The following GAREM1 variants were observed in gnomAD, a reference collection of about 807,000 sequenced individuals.
GAREM1 encodes GRB2 associated regulator of MAPK1 subtype 1.
Under a neutral mutation model 71.3 loss-of-function variants are expected in GAREM1, and 26 were observed. The ratio of observed to expected loss-of-function variants is 0.36; its 90% confidence interval spans 0.27 to 0.51. The LOEUF (loss-of-function observed/expected upper bound fraction) is 0.51, where lower values mean the gene tolerates loss of function less well. Among genes scored for constraint, GAREM1 ranks in the 20% least tolerant of loss-of-function variants. The pLI, the probability that GAREM1 is intolerant of heterozygous loss-of-function variation, is 0.95. For synonymous variants in GAREM1, 440 were observed against 433.2 expected, an observed-to-expected ratio of 1.02 and a Z score of -0.20; for missense variants, 1,026 against 1,103.1, an observed-to-expected ratio of 0.93 and a Z score of 0.99.
intron 4 of GAREM1, among the ~76,000 whole-genome samples, chr18:32,272,508 TA>T (rs1243391662): frequency 6.6e-6 from 1 of 152,178 alleles, no homozygotes; most frequent in Non-Finnish European, 1.5e-5. Flanking sequence ...TGTGAGCTTT[TA>T]AAAAGGTGGT....
chr18:32,460,074 A>C (rs1401562141), intron 1 of GAREM1, among the ~76,000 whole-genome samples: 1 of 151,772 alleles, frequency 6.6e-6, no homozygotes, highest in Non-Finnish European at 1.5e-5. Context: ...TTCATTTCTA[A>C]CATCCTAAAG....
intron 2 of GAREM1, among the ~76,000 whole-genome samples, chr18:32,322,176 G>A (rs11876823): frequency 0.11 from 17,455 of 152,224 alleles, 1,621 homozygotes; most frequent in African/African-American, 0.26. Flanking sequence ...ATCTCTGGCT[G>A]AGGCTATTTA....
chr18:32,411,471 T>C (rs1395623304), intron 1 of GAREM1, among the ~76,000 whole-genome samples: 1 of 152,150 alleles, frequency 6.6e-6, no homozygotes, highest in Non-Finnish European at 1.5e-5. Flanking sequence ...ATATCAAATA[T>C]ATATTCTTCA....
intron 3 of GAREM1, among the ~76,000 whole-genome samples, chr18:32,309,951 A>G (rs939617695): frequency 6.6e-6 from 1 of 152,220 alleles, no homozygotes; most frequent in Admixed American, 6.5e-5. Flanking sequence ...ATATGCCTCA[A>G]CAGCTACAGT....
chr18:32,467,808 A>G (rs1251309973), intron 1 of GAREM1, among the ~76,000 whole-genome samples: 1 of 152,190 alleles, frequency 6.6e-6, no homozygotes, highest in African/African-American at 2.4e-5. Context: ...CAGTACTAAA[A>G]CTGGGGAAAA....
intron 2 of GAREM1, among the ~76,000 whole-genome samples, chr18:32,391,035 A>T (rs144340155): frequency 2.1e-4 from 32 of 152,300 alleles, no homozygotes; most frequent in African/African-American, 7.7e-4. Flanking sequence ...CTTGTTAAGG[A>T]CTGTACAGTC....
chr18:32,382,354 TTC>T (rs1344792298), intron 2 of GAREM1, among the ~76,000 whole-genome samples: 9 of 152,226 alleles, frequency 5.9e-5, no homozygotes, highest in Admixed American at 5.2e-4. Context: ...TTCACTATTC[TTC>T]TTCTTGAGGA....
intron 1 of GAREM1, among the ~76,000 whole-genome samples, chr18:32,454,401 C>A (rs925211395): frequency 1.3e-5 from 2 of 151,626 alleles, no homozygotes; most frequent in Non-Finnish European, 2.9e-5. Flanking sequence ...AAAATGTACA[C>A]CTTAGAATCA....
At chr18:32,451,223 A>G (rs1468521062) in intron 1 of GAREM1, among the ~76,000 whole-genome samples, 3 of 152,122 alleles carry the variant, frequency 2.0e-5, no homozygotes, top group Non-Finnish European at 4.4e-5. Flanking sequence ...CTCAATGAGG[A>G]TGATGATGGA....
intron 3 of GAREM1, among the ~76,000 whole-genome samples, chr18:32,289,035 T>C (rs1449972539): frequency 1.3e-5 from 2 of 152,218 alleles, no homozygotes; most frequent in African/African-American, 2.4e-5. Context: ...GATAAAGTAC[T>C]AGAAAAACTG....
intron 3 of GAREM1, among the ~76,000 whole-genome samples, chr18:32,297,401 C>T (rs969117785): frequency 6.6e-6 from 1 of 152,212 alleles, no homozygotes; most frequent in African/African-American, 2.4e-5. Flanking sequence ...TAAACAAATG[C>T]TCACAGTGCT....
Position 32,267,989 on chromosome 18 carries a change from A to C in GAREM1, c.2513T>G (p.Ile838Ser), listed in dbSNP as rs2041398516. 6.2e-7 allele frequency: 1 copy of C among 1,613,538 alleles called. No individual in the cohort carries two copies. Among genetic ancestry groups the C allele is most frequent in the Non-Finnish European group, 8.5e-7 (1 of 1,179,618 alleles). Residue 838 changes from isoleucine (I) to serine (S), a missense_variant, in exon 6 of 6, where the codon ATT becomes AGT. Physicochemically the swap from Ile to Ser is moderately radical, Grantham distance 142. This residue lies in a region of GAREM1 where 636 missense variants were observed against 631.2 expected (regional missense o/e 1.01). Coordinates refer to ENST00000269209, the MANE Select transcript of GAREM1 (RefSeq NM_001242409.2). ...TAGCTGAACAAGCAGGTTCCCATCA[A>C]TCTTTTCAGTAACAAAGAATGATAT... ...DVISFFVTEKIDGNLLVQLTE... is the reference protein window; with the variant it reads ...DVISFFVTEKSDGNLLVQLTE...
chr18:32,265,715 C>T lies in GAREM1; in HGVS notation c.*2156G>A, dbSNP rs1277958551. 3 of 152,112 alleles carry T rather than the reference C, an allele frequency of 2.0e-5. No individual in the cohort carries two copies. Among genetic ancestry groups the T allele is most frequent in the African/African-American group, 4.8e-5 (2 of 41,406 alleles). The allele number at this position is 152,112 out of a possible 1,614,324, so 9.4% of individuals were successfully genotyped here. On this transcript the variant is annotated 3_prime_UTR_variant, in exon 6 of 6. Transcript: ENST00000269209. ...AGTTTTTACAAAAAGAAAAAAAACG[C>T]TAAAAGGAGTCAGTTGTTTATGTGA... is the stretch of plus-strand genomic sequence containing the variant.
At chr18:32,438,678 C>G (rs2048705428) in intron 1 of GAREM1, among the ~76,000 whole-genome samples, 1 of 152,190 alleles carries the variant, frequency 6.6e-6, no homozygotes, top group Non-Finnish European at 1.5e-5. Context: ...TTATCTTTTA[C>G]TTCTATCTTT....
intron 4 of GAREM1, among the ~76,000 whole-genome samples, chr18:32,274,880 G>T (rs1598921239): frequency 6.6e-6 from 1 of 151,496 alleles, no homozygotes; most frequent in East Asian, 1.9e-4. Flanking sequence ...GGATAGCAGA[G>T]TTTGGGGATT....
intron 2 of GAREM1, among the ~76,000 whole-genome samples, chr18:32,385,264 C>T (rs1159195271): frequency 2.0e-5 from 3 of 151,590 alleles, no homozygotes; most frequent in Non-Finnish European, 4.4e-5. Flanking sequence ...TACAAAATAT[C>T]TTGGCAAAAA....
chr18:32,425,526 C>T (rs2048565814), intron 1 of GAREM1, among the ~76,000 whole-genome samples: 2 of 152,024 alleles, frequency 1.3e-5, no homozygotes, highest in African/African-American at 4.8e-5. Flanking sequence ...AAGAGAGAAA[C>T]AGGGGGTGGA....
At chr18:32,308,530 AT>A (rs539652963) in intron 3 of GAREM1, among the ~76,000 whole-genome samples, 1 of 148,588 alleles carries the variant, frequency 6.7e-6, no homozygotes, top group Non-Finnish European at 1.5e-5. Flanking sequence ...AAAAAAACTT[AT>A]TTTTTTTTCA....
At chr18:32,443,548 A>G (rs1397945132) in intron 1 of GAREM1, among the ~76,000 whole-genome samples, 1 of 152,198 alleles carries the variant, frequency 6.6e-6, no homozygotes, top group Non-Finnish European at 1.5e-5. Context: ...CAACATCGTT[A>G]GTCATCAGGG....
Sources: gnomAD v4.1 joint callset for allele counts (sites outside exome capture counted in the v4.1 genomes callset) on GRCh38, gnomAD v4.1.1 for gene constraint, gnomAD v4.1.1 regional missense constraint, MANE v1.5 for transcripts, NCBI Gene and HGNC (gene_info 2026-07-23, HGNC 2026-07-21) for gene names.